Variants in FAAH2 observed in about 807,000 individuals in gnomAD.
The protein encoded by FAAH2 is fatty-acid amide hydrolase 2.
A neutral mutation model predicts 36.9 loss-of-function variants in FAAH2; 60 were observed. The observed-to-expected ratio is 1.63, with a 90% CI of 1.32 to 2.02. FAAH2 has a LOEUF of 2.02. Among genes scored for constraint, FAAH2 ranks in the 30% most tolerant of loss-of-function variants. The pLI is 0.00. For missense variants in FAAH2, 689 were observed against 397.5 expected (o/e 1.73, Z -6.23); for synonymous variants, 214 against 143.8 (o/e 1.49, Z -3.49).
At chrX:57,192,826 G>A in the FAAH2 span, among the ~76,000 whole-genome samples, 3 of 111,862 alleles carry the variant, frequency 2.7e-5, no homozygotes, top group African/African-American at 3.3e-5. Context: ...TTTCATGGAC[G>A]CTTATCACTT....
intron 2 of FAAH2, among the ~76,000 whole-genome samples, chrX:57,298,995 A>G (rs1205549129): frequency 1.8e-5 from 2 of 111,667 alleles, no homozygotes; most frequent in Non-Finnish European, 3.8e-5. Context: ...CCAGGACCAG[A>G]TGGATTCACA....
chrX:57,272,052 G>A, the FAAH2 span, among the ~76,000 whole-genome samples: 1 of 108,701 alleles, frequency 9.2e-6, no homozygotes, highest in Admixed American at 1.0e-4. Context: ...ATGTAGAGAA[G>A]AACATATATG....
chrX:57,349,300 TATACATAC>T (rs1415071751), intron 5 of FAAH2, among the ~76,000 whole-genome samples: 1 of 96,630 alleles, frequency 1.0e-5, no homozygotes, highest in Non-Finnish European at 2.0e-5. Context: ...TATACACAGA[TATACATAC>T]ATACATATAT....
At chrX:57,422,999 A>G (rs2056074431) in intron 7 of FAAH2, among the ~76,000 whole-genome samples, 1 of 111,941 alleles carries the variant, frequency 8.9e-6, no homozygotes, top group African/African-American at 3.2e-5. Context: ...AGAGGGGGAG[A>G]GAATTTCTCT....
At chrX:57,284,438 TATTC>T (rs2051782501), upstream of FAAH2, among the ~76,000 whole-genome samples, 1 of 111,445 alleles carries the variant, frequency 9.0e-6, no homozygotes, top group Non-Finnish European at 1.9e-5. Flanking sequence ...CCTGGAATAT[TATTC>T]AGCTTTTAAA....
chrX:57,159,933 C>A, the FAAH2 span, among the ~76,000 whole-genome samples: 3 of 111,568 alleles, frequency 2.7e-5, no homozygotes, highest in Non-Finnish European at 5.6e-5. Flanking sequence ...AAAGGGAATG[C>A]TTCCAGTTTT....
chrX:57,124,317 T>C, the FAAH2 span, among the ~76,000 whole-genome samples: 1 of 111,498 alleles, frequency 9.0e-6, no homozygotes, highest in Admixed American at 9.5e-5. Context: ...TAGTTGTAGA[T>C]GTGTGGTGTT....
intron 3 of FAAH2, 71 bp from the exon 4 acceptor site, chrX:57,331,527 C>A: frequency 1.0e-6 from 1 of 966,318 alleles, no homozygotes; most frequent in African/African-American, 1.9e-5. Flanking sequence ...AGTTGGCCAT[C>A]TTGCCCCTCA....
chrX:57,348,729 T>G (rs1281045953), intron 5 of FAAH2, among the ~76,000 whole-genome samples: 1 of 111,407 alleles, frequency 9.0e-6, no homozygotes, highest in Admixed American at 9.6e-5. Flanking sequence ...GCATGCGTCT[T>G]GAGCCAAAGC....
chrX:57,164,731 T>C, the FAAH2 span, among the ~76,000 whole-genome samples: 9 of 112,717 alleles, frequency 8.0e-5, no homozygotes, highest in East Asian at 2.5e-3. Context: ...CATTTTGCAG[T>C]GGCATTTCTG....
At chrX:57,269,649 G>A in the FAAH2 span, among the ~76,000 whole-genome samples, 2 of 111,279 alleles carry the variant, frequency 1.8e-5, no homozygotes, top group African/African-American at 3.3e-5. Context: ...TGAAATTAAG[G>A]GAGAAATCAG....
chrX:57,124,485 A>G, the FAAH2 span, among the ~76,000 whole-genome samples: 2 of 111,706 alleles, frequency 1.8e-5, no homozygotes, highest in African/African-American at 3.3e-5. Context: ...TTGGCAATGC[A>G]GGCTCTTTTT....
intron 5 of FAAH2, among the ~76,000 whole-genome samples, chrX:57,374,666 T>C (rs2054626675): frequency 8.9e-6 from 1 of 111,792 alleles, no homozygotes; most frequent in Admixed American, 9.5e-5. Context: ...AGTGACAATT[T>C]GACTTCCTCT....
At chrX:57,322,992 C>T (rs988654062) in intron 3 of FAAH2, among the ~76,000 whole-genome samples, 1 of 110,428 alleles carries the variant, frequency 9.1e-6, no homozygotes, top group Non-Finnish European at 1.9e-5. Flanking sequence ...ACTTTCCCCA[C>T]CCCACAACAG....
intron 5 of FAAH2, among the ~76,000 whole-genome samples, chrX:57,363,206 G>A (rs1199974434): frequency 3.6e-5 from 4 of 111,637 alleles, no homozygotes; most frequent in Non-Finnish European, 7.5e-5. Flanking sequence ...AAATTCATAG[G>A]CATAGAATGT....
the FAAH2 span, chrX:57,136,758 C>T: frequency 3.6e-6 from 1 of 281,335 alleles, no homozygotes; most frequent in Admixed American, 6.2e-5. Flanking sequence ...CCGCAGTGCT[C>T]TCCCTCTTAA....
intron 7 of FAAH2, among the ~76,000 whole-genome samples, chrX:57,416,572 C>A (rs1193127342): frequency 8.9e-6 from 1 of 112,180 alleles, no homozygotes; most frequent in Non-Finnish European, 1.9e-5. Flanking sequence ...TCTATTCTGG[C>A]TTGCAGGGTT....
chrX:57,235,023 G>A, the FAAH2 span, among the ~76,000 whole-genome samples: 1 of 111,498 alleles, frequency 9.0e-6, no homozygotes, highest in African/African-American at 3.3e-5. Context: ...GGGTGACAGA[G>A]CAAGACTCTG....
At chrX:57,123,963 C>G in the FAAH2 span, among the ~76,000 whole-genome samples, 1 of 111,752 alleles carries the variant, frequency 8.9e-6, no homozygotes, top group African/African-American at 3.3e-5. Context: ...TGCCTGTTCA[C>G]TCTGATGGTA....
Sources: allele counts gnomAD v4.1 joint callset (sites outside exome capture counted in the v4.1 genomes callset), GRCh38; gene constraint gnomAD v4.1.1; transcripts MANE v1.5; gene names NCBI Gene and HGNC (gene_info 2026-07-23, HGNC 2026-07-21).